Variants in ENOX1 observed in about 807,000 individuals in gnomAD.
The protein encoded by ENOX1 is ecto-NOX disulfide-thiol exchanger 1.
ENOX1 carries 42 observed loss-of-function variants against 82.5 expected under a neutral mutation model. The observed-to-expected ratio is 0.51, with a 90% CI of 0.40 to 0.66. The LOEUF is 0.66. ENOX1 is among the 30% of genes least tolerant of loss of function. The pLI is 0.00. For synonymous variants in ENOX1, 271 were observed against 282.2 expected, an observed-to-expected ratio of 0.96 and a Z score of 0.40; for missense variants, 608 against 811.6, an observed-to-expected ratio of 0.75 and a Z score of 3.05.
chr13:43,325,801 A>G (rs1323649582), intron 10 of ENOX1, among the ~76,000 whole-genome samples: 1 of 152,160 alleles, frequency 6.6e-6, no homozygotes, highest in Admixed American at 6.5e-5. Flanking sequence ...GTGACTAATG[A>G]CACATTTTGG....
intron 5 of ENOX1, among the ~76,000 whole-genome samples, chr13:43,374,101 C>T (rs1325798033): frequency 1.3e-5 from 2 of 148,872 alleles, no homozygotes; most frequent in African/African-American, 2.5e-5. Context: ...CTTCTCTCCC[C>T]TCCCTTCCCC....
At position 43,412,040 on chromosome 13, in the gene ENOX1, C is replaced by T. The variant is rs1472803736; in HGVS notation, c.84G>A (p.Leu28=). 6.2e-7 allele frequency: 1 copy of T among 1,613,828 alleles called. No homozygotes were observed. Among genetic ancestry groups the T allele is most frequent in the Non-Finnish European group, 8.5e-7 (1 of 1,179,802 alleles). Residue 28 remains leucine, a synonymous_variant, in exon 5 of 17, where the codon TTG becomes TTA. Transcript: ENST00000690772. ...PQMMAAAADG[L]GSIAIDTTQL... ...GGGTCGTGTCTATCGCTATACTCCC[C>T]AAACCATCGGCTGCTGTGGGGAAAA...
intron 14 of ENOX1, among the ~76,000 whole-genome samples, chr13:43,242,856 C>T (rs1349661047): frequency 1.3e-5 from 2 of 152,184 alleles, no homozygotes; most frequent in Non-Finnish European, 2.9e-5. Context: ...TGTCCTTAGG[C>T]CGGGTGCAGT....
At chr13:43,700,518 G>A (rs1014422936) in intron 1 of ENOX1, among the ~76,000 whole-genome samples, 4 of 152,064 alleles carry the variant, frequency 2.6e-5, no homozygotes, top group African/African-American at 7.2e-5. Flanking sequence ...CAATTTACAG[G>A]AAGTTGCAAA....
intron 3 of ENOX1, among the ~76,000 whole-genome samples, chr13:43,417,671 G>T (rs2054706819): frequency 6.6e-6 from 1 of 152,130 alleles, no homozygotes; most frequent in African/African-American, 2.4e-5. Flanking sequence ...GATGTGGGGA[G>T]TTAAAAATTA....
chr13:43,771,485 A>T (rs1951599208), intron 1 of ENOX1, among the ~76,000 whole-genome samples: 2 of 151,870 alleles, frequency 1.3e-5, no homozygotes, highest in African/African-American at 4.9e-5. Flanking sequence ...CTACAATTAT[A>T]ACTTAATTAA....
chr13:43,289,069 A>G (rs1249997244), intron 12 of ENOX1, among the ~76,000 whole-genome samples: 1 of 152,200 alleles, frequency 6.6e-6, no homozygotes, highest in Non-Finnish European at 1.5e-5. Context: ...CAAATCAGAG[A>G]CAACACAAAT....
At chr13:43,702,770 G>A (rs1171375363) in intron 1 of ENOX1, among the ~76,000 whole-genome samples, 1 of 151,896 alleles carries the variant, frequency 6.6e-6, no homozygotes, top group Non-Finnish European at 1.5e-5. Context: ...GGCCAACATG[G>A]TGAAACCCCA....
At chr13:43,403,848 A>G (rs560879457) in intron 5 of ENOX1, among the ~76,000 whole-genome samples, 1 of 152,172 alleles carries the variant, frequency 6.6e-6, no homozygotes, top group African/African-American at 2.4e-5. Context: ...TCAAAAAAAA[A>G]AATAAATAAA....
At chr13:43,425,679 T>C (rs1027810235) in intron 3 of ENOX1, among the ~76,000 whole-genome samples, 4 of 152,198 alleles carry the variant, frequency 2.6e-5, no homozygotes, top group African/African-American at 9.7e-5. Context: ...ACAATAATGA[T>C]GAAGACCTGA....
At chr13:43,761,421 G>A (rs1296654451) in intron 1 of ENOX1, among the ~76,000 whole-genome samples, 1 of 152,168 alleles carries the variant, frequency 6.6e-6, no homozygotes, top group East Asian at 1.9e-4. Context: ...GATAAATGCA[G>A]TAACTCTCAG....
chr13:43,434,354 C>A (rs1255431084), intron 3 of ENOX1, among the ~76,000 whole-genome samples: 1 of 152,186 alleles, frequency 6.6e-6, no homozygotes, highest in African/African-American at 2.4e-5. Flanking sequence ...CCCTCTAGTC[C>A]TTCGGCCTTC....
At chr13:43,642,983 G>A (rs1464261026) in intron 2 of ENOX1, among the ~76,000 whole-genome samples, 2 of 152,152 alleles carry the variant, frequency 1.3e-5, no homozygotes, top group East Asian at 1.9e-4. Context: ...CTAAGAGGAA[G>A]AAACAGTCAT....
chr13:43,386,489 A>G (rs1354029205), intron 5 of ENOX1, among the ~76,000 whole-genome samples: 1 of 152,168 alleles, frequency 6.6e-6, no homozygotes, highest in Non-Finnish European at 1.5e-5. Context: ...TCACAATATC[A>G]TATTAAGGTG....
intron 12 of ENOX1, among the ~76,000 whole-genome samples, chr13:43,278,540 T>G (rs1294076467): frequency 6.6e-6 from 1 of 152,218 alleles, no homozygotes; most frequent in African/African-American, 2.4e-5. Context: ...AAGTGAAAAT[T>G]TTAGTTCATA....
chr13:43,358,756 G>A (rs1014027935), intron 7 of ENOX1, among the ~76,000 whole-genome samples: 5 of 152,134 alleles, frequency 3.3e-5, no homozygotes, highest in Admixed American at 2.6e-4. Flanking sequence ...GCTCTAGGCC[G>A]TGAAACCCAG....
intron 1 of ENOX1, among the ~76,000 whole-genome samples, chr13:43,684,251 T>C (rs1389229042): frequency 6.6e-6 from 1 of 152,196 alleles, no homozygotes; most frequent in Admixed American, 6.6e-5. Context: ...GCAGTGATAT[T>C]TTAATAACTG....
chr13:43,508,608 TAG>T (rs2077259201), intron 2 of ENOX1, among the ~76,000 whole-genome samples: 1 of 152,018 alleles, frequency 6.6e-6, no homozygotes, highest in Non-Finnish European at 1.5e-5. Context: ...CTAAAATATT[TAG>T]AGGTTTTACT....
At chr13:43,232,670 A>T (rs1044805583) in intron 15 of ENOX1, among the ~76,000 whole-genome samples, 2 of 152,224 alleles carry the variant, frequency 1.3e-5, no homozygotes, top group African/African-American at 4.8e-5. Flanking sequence ...CAGGATATGT[A>T]AGAAAGTTTG....
Sources: allele counts gnomAD v4.1 joint callset (sites outside exome capture counted in the v4.1 genomes callset), GRCh38; gene constraint gnomAD v4.1.1; transcripts MANE v1.5; gene names NCBI Gene and HGNC (gene_info 2026-07-23, HGNC 2026-07-21).